The following APBA2 variants were observed in gnomAD, a reference collection of about 807,000 sequenced individuals.
APBA2 encodes the protein amyloid-beta A4 precursor protein-binding family A member 2.
APBA2 carries 30 observed loss-of-function variants against 75.0 expected under a neutral mutation model. The observed-to-expected ratio is 0.40, with a 90% confidence interval of 0.30 to 0.54. The LOEUF is 0.54. Ranked by LOEUF, APBA2 falls within the 20% of genes least tolerant of loss-of-function variation. APBA2 has a pLI of 0.49. For missense variants in APBA2, 801 were observed against 1,016.1 expected (o/e 0.79, Z 2.88); for synonymous variants, 444 against 409.6 (o/e 1.08, Z -1.01).
intron 2 of APBA2, among the ~76,000 whole-genome samples, chr15:28,994,757 T>C (rs1221416767): frequency 6.6e-6 from 1 of 152,162 alleles, no homozygotes; most frequent in African/African-American, 2.4e-5. Context: ...TAAACCTTTG[T>C]GATGAAGTCG....
Position 29,113,879 on chromosome 15 carries a change from T to A in APBA2, c.2041T>A (p.Cys681Ser). ...TGACCTGGCCATGTCTGCTTAGATCTGCAGCCTCATGAGAGGGGGCATTGC... is the reference window on the plus strand; with the variant it reads ...TGACCTGGCCATGTCTGCTTAGATCAGCAGCCTCATGAGAGGGGGCATTGC... ...LGFSVQNGII[C>S]SLMRGGIAER... Residue 681 changes from cysteine (C) to serine (S), a missense_variant, in exon 14 of 15, where the codon TGC (cysteine) becomes AGC (serine). Transcript: ENST00000683413. 1 of 1,611,390 alleles carries A rather than the reference T, an allele frequency of 6.2e-7. No individual in the cohort carries two copies. The highest frequency in any genetic ancestry group is 1.1e-5 in the South Asian group (1 of 91,080).
At chr15:29,024,192 C>G (rs1301249792) in intron 3 of APBA2, among the ~76,000 whole-genome samples, 1 of 152,196 alleles carries the variant, frequency 6.6e-6, no homozygotes, top group Non-Finnish European at 1.5e-5. Context: ...GCACAAGCCA[C>G]TGTGCCCGGC....
intron 2 of APBA2, among the ~76,000 whole-genome samples, chr15:28,939,938 A>T (rs73366755): frequency 0.12 from 17,598 of 152,182 alleles, 2,037 homozygotes; most frequent in East Asian, 0.33. Flanking sequence ...GAGGCAGCTG[A>T]GGGGCAAGTG....
At chr15:29,038,321 G>C (rs914995713) in intron 3 of APBA2, among the ~76,000 whole-genome samples, 1 of 152,156 alleles carries the variant, frequency 6.6e-6, no homozygotes, top group Non-Finnish European at 1.5e-5. Flanking sequence ...CCTATCTTCC[G>C]AGGGCTACTT....
intron 2 of APBA2, among the ~76,000 whole-genome samples, chr15:28,989,775 TC>T (rs2152781214): frequency 6.6e-6 from 1 of 152,244 alleles, no homozygotes; most frequent in South Asian, 2.1e-4. Context: ...GTCTCCGCAC[TC>T]CCTGGGGTCA....
At chr15:28,965,107 A>T (rs917756665) in intron 2 of APBA2, among the ~76,000 whole-genome samples, 3 of 151,490 alleles carry the variant, frequency 2.0e-5, no homozygotes, top group Non-Finnish European at 4.4e-5. Context: ...ATAGTTTTAT[A>T]TTTAAGTCCT....
At chr15:29,007,235 A>G (rs778212154) in intron 3 of APBA2, among the ~76,000 whole-genome samples, 9 of 152,240 alleles carry the variant, frequency 5.9e-5, no homozygotes, top group Non-Finnish European at 1.5e-5. Context: ...ACAAAAATCA[A>G]CTCAAAATAG....
At chr15:29,011,879 C>T (rs2039421283) in intron 3 of APBA2, among the ~76,000 whole-genome samples, 1 of 152,050 alleles carries the variant, frequency 6.6e-6, no homozygotes, top group South Asian at 2.1e-4. Context: ...TAGTAGGTTG[C>T]CCTTTTTAAT....
chr15:29,061,346 C>T (rs565822137), intron 4 of APBA2, among the ~76,000 whole-genome samples: 1 of 152,194 alleles, frequency 6.6e-6, no homozygotes, highest in Non-Finnish European at 1.5e-5. Flanking sequence ...GCAGGCATTC[C>T]TTGTCCAGGA....
intron 13 of APBA2, chr15:29,108,744 G>C (rs1258333542): frequency 2.3e-6 from 1 of 430,460 alleles, no homozygotes; most frequent in East Asian, 4.7e-5. Context: ...TCAACAAACA[G>C]ACGTTCACTC....
intron 4 of APBA2, among the ~76,000 whole-genome samples, chr15:29,060,563 C>A (rs2042088706): frequency 6.6e-6 from 1 of 152,130 alleles, no homozygotes; most frequent in South Asian, 2.1e-4. Context: ...TGTTTCCTTG[C>A]TGTTGAAAGG....
chr15:28,988,167 G>T (rs945824934), intron 2 of APBA2, among the ~76,000 whole-genome samples: 4 of 152,028 alleles, frequency 2.6e-5, no homozygotes, highest in Non-Finnish European at 4.4e-5. Context: ...CCTTGTTTAT[G>T]GCCTAGTACA....
At chr15:28,894,718 T>C (rs1026894375) in intron 1 of APBA2, among the ~76,000 whole-genome samples, 2 of 152,130 alleles carry the variant, frequency 1.3e-5, no homozygotes, top group East Asian at 3.9e-4. Context: ...TAACAACGCA[T>C]AGTTTACCAA....
chr15:28,887,720 G>A (rs2031844961), intron 1 of APBA2, among the ~76,000 whole-genome samples: 1 of 152,290 alleles, frequency 6.6e-6, no homozygotes, highest in African/African-American at 2.4e-5. Context: ...TCCAGGCAAT[G>A]TCCAGGGCGT....
intron 11 of APBA2, among the ~76,000 whole-genome samples, chr15:29,106,056 G>A (rs774863271): frequency 1.3e-5 from 2 of 152,250 alleles, no homozygotes; most frequent in Non-Finnish European, 2.9e-5. Flanking sequence ...CTGTGGATGA[G>A]TGGATGGTCT....
intron 3 of APBA2, among the ~76,000 whole-genome samples, chr15:29,004,135 T>G (rs1320512671): frequency 1.3e-5 from 2 of 152,184 alleles, no homozygotes; most frequent in African/African-American, 4.8e-5. Context: ...GGAGGGAGAC[T>G]GAGGCCCAGG....
chr15:29,088,067 C>G (rs540227431), intron 6 of APBA2, among the ~76,000 whole-genome samples: 1 of 152,322 alleles, frequency 6.6e-6, no homozygotes, highest in African/African-American at 2.4e-5. Flanking sequence ...TCTCAGCCCC[C>G]TCTCTGGCTC....
At chr15:29,111,658 G>A (rs2044738338) in intron 13 of APBA2, among the ~76,000 whole-genome samples, 2 of 152,074 alleles carry the variant, frequency 1.3e-5, no homozygotes, top group South Asian at 2.1e-4. Flanking sequence ...AGTGCCCGTG[G>A]TCATGGTGGG....
At chr15:29,071,958 G>A (rs2042641474) in intron 4 of APBA2, among the ~76,000 whole-genome samples, 1 of 152,062 alleles carries the variant, frequency 6.6e-6, no homozygotes, top group African/African-American at 2.4e-5. Context: ...CCATCAGTCT[G>A]TGTCCCCAGC....
Sources: gnomAD v4.1 joint callset for allele counts (sites outside exome capture counted in the v4.1 genomes callset) on GRCh38, gnomAD v4.1.1 for gene constraint, MANE v1.5 for transcripts, NCBI Gene and HGNC (gene_info 2026-07-23, HGNC 2026-07-21) for gene names.